RIT2: variants seen among roughly 807,000 people sequenced by gnomAD.
RIT2 encodes the protein GTP-binding protein Rit2.
In RIT2, 24 loss-of-function variants were observed where a neutral mutation model predicts 23.7. The ratio of observed to expected loss-of-function variants is 1.01; its 90% CI spans 0.73 to 1.43. The LOEUF (loss-of-function observed/expected upper bound fraction) is 1.43, where lower values mean the gene tolerates loss of function less well. RIT2 is among the 40% of genes most tolerant of loss of function. The pLI is 0.00. For missense variants in RIT2, 236 were observed against 266.9 expected, an observed-to-expected ratio of 0.88 and a Z score of 0.81; for synonymous variants, 107 against 91.1, an observed-to-expected ratio of 1.17 and a Z score of -0.99.
chr18:42,756,313 A>C lies in RIT2; in HGVS notation c.427-12593T>G, dbSNP rs1359316943. Among the ~76,000 whole-genome samples, 8 of 152,200 alleles carry C rather than the reference A, an allele frequency of 5.3e-5. No homozygotes were observed. The East Asian group carries it at 1.4e-3, about 26-fold the overall frequency. On this transcript the variant is annotated intron_variant, in intron 4 of 4. Transcript: ENST00000326695. ...ATGGAGAGAAAAGTAGGACATAATAAATTAAATGGTGTAGCCAGTCGTTCT... is the reference window on the plus strand; with the variant it reads ...ATGGAGAGAAAAGTAGGACATAATACATTAAATGGTGTAGCCAGTCGTTCT...
At chr18:42,919,082 A>C (rs985351737) in intron 4 of RIT2, among the ~76,000 whole-genome samples, 1 of 152,134 alleles carries the variant, frequency 6.6e-6, no homozygotes, top group Non-Finnish European at 1.5e-5. Flanking sequence ...TCTTGAGGAC[A>C]GGGACTGGAT....
At chr18:42,940,184 TCTC>T (rs1909560716) in intron 3 of RIT2, among the ~76,000 whole-genome samples, 2 of 143,828 alleles carry the variant, frequency 1.4e-5, no homozygotes, top group Admixed American at 1.4e-4. Flanking sequence ...GCAGGTCACA[TCTC>T]CTACTTCTCT....
chr18:42,885,284 G>T (rs1306978758), intron 4 of RIT2, among the ~76,000 whole-genome samples: 2 of 152,114 alleles, frequency 1.3e-5, no homozygotes, highest in African/African-American at 2.4e-5. Flanking sequence ...ATATTCTCTA[G>T]TTAAAGAATT....
intron 2 of RIT2, among the ~76,000 whole-genome samples, chr18:42,995,466 A>C (rs1406762794): frequency 2.6e-5 from 4 of 152,214 alleles, no homozygotes; most frequent in African/African-American, 9.7e-5. Context: ...CCCTTCTGTC[A>C]GACATAATTC....
At chr18:42,803,440 T>A (rs891977244) in intron 4 of RIT2, among the ~76,000 whole-genome samples, 1 of 152,166 alleles carries the variant, frequency 6.6e-6, no homozygotes, top group Non-Finnish European at 1.5e-5. Flanking sequence ...TATGTTGGTG[T>A]GAGTGTTTGA....
chr18:42,772,307 A>C (rs1913569855), intron 4 of RIT2, among the ~76,000 whole-genome samples: 1 of 152,116 alleles, frequency 6.6e-6, no homozygotes, highest in Admixed American at 6.6e-5. Flanking sequence ...CACTGTTCTC[A>C]ATGGCAATAT....
intron 2 of RIT2, among the ~76,000 whole-genome samples, chr18:43,017,420 G>A (rs571965037): frequency 1.3e-5 from 2 of 151,890 alleles, no homozygotes; most frequent in South Asian, 4.1e-4. Flanking sequence ...ATAAATATAA[G>A]TAATTTGATT....
rs536607220 is a variant in RIT2, at chr18:43,026,392, A to G, written c.160+7419T>C. On this transcript the variant is annotated intron_variant, in intron 2 of 4. Transcript: ENST00000326695. ...AACATGGTGAAACCCCATCTCCACT[A>G]AAAATACAAAAATTAGCTGGGTGTG... 1.9e-4 allele frequency among the ~76,000 whole-genome samples: 28 copies of G among 150,844 alleles called. No individual in the cohort carries two copies. In the East Asian group the frequency reaches 5.6e-3, roughly 30 times the overall value.
At chr18:42,802,442 G>A (rs991694813) in intron 4 of RIT2, among the ~76,000 whole-genome samples, 3 of 152,128 alleles carry the variant, frequency 2.0e-5, no homozygotes, top group African/African-American at 4.8e-5. Flanking sequence ...CTGTAGTCTC[G>A]TGTGCAGTTT....
chr18:43,090,793 G>A (rs1376763770), intron 1 of RIT2, among the ~76,000 whole-genome samples: 3 of 152,146 alleles, frequency 2.0e-5, no homozygotes, highest in South Asian at 4.2e-4. Flanking sequence ...AATACTGCAT[G>A]TTTTCGCTTA....
chr18:42,821,437 G>A (rs973039007), intron 4 of RIT2, among the ~76,000 whole-genome samples: 2 of 152,078 alleles, frequency 1.3e-5, no homozygotes, highest in Non-Finnish European at 2.9e-5. Flanking sequence ...TGATAAGGCC[G>A]TAACTGTTAC....
chr18:43,066,875 A>G (rs1912782689), intron 1 of RIT2, among the ~76,000 whole-genome samples: 1 of 151,370 alleles, frequency 6.6e-6, no homozygotes, highest in African/African-American at 2.4e-5. Context: ...GAACAGTTGG[A>G]AGCAGGGTTG....
At chr18:42,828,284 C>T (rs1167837234) in intron 4 of RIT2, among the ~76,000 whole-genome samples, 1 of 152,132 alleles carries the variant, frequency 6.6e-6, no homozygotes, top group Non-Finnish European at 1.5e-5. Flanking sequence ...TTATCAAACA[C>T]TTACATTGAT....
At chr18:42,921,313 A>C (rs1909050744) in intron 4 of RIT2, among the ~76,000 whole-genome samples, 1 of 152,130 alleles carries the variant, frequency 6.6e-6, no homozygotes, top group Non-Finnish European at 1.5e-5. Flanking sequence ...TTGTGTTTTC[A>C]TGGTTTTCGC....
intron 4 of RIT2, among the ~76,000 whole-genome samples, chr18:42,884,980 A>C (rs1311431456): frequency 1.3e-5 from 2 of 152,178 alleles, no homozygotes; most frequent in Non-Finnish European, 2.9e-5. Context: ...TTCCCACTGA[A>C]ACTGTTCTCA....
At chr18:43,026,676 T>C (rs1911739871) in intron 2 of RIT2, among the ~76,000 whole-genome samples, 1 of 150,636 alleles carries the variant, frequency 6.6e-6, no homozygotes, top group Non-Finnish European at 1.5e-5. Flanking sequence ...AAGTTTTTCT[T>C]TCTTTTTTTT....
At chr18:42,787,883 A>T (rs1295090094) in intron 4 of RIT2, among the ~76,000 whole-genome samples, 2 of 151,910 alleles carry the variant, frequency 1.3e-5, no homozygotes, top group Admixed American at 1.3e-4. Flanking sequence ...AATATTATTT[A>T]CTTATTAAAA....
chr18:42,953,135 T>C (rs80227052), intron 3 of RIT2, among the ~76,000 whole-genome samples: 1,685 of 152,196 alleles, frequency 0.011, 31 homozygotes, highest in African/African-American at 0.038. Flanking sequence ...CTCTCATCCA[T>C]TGTCTTCTCT....
intron 2 of RIT2, among the ~76,000 whole-genome samples, chr18:43,010,451 C>T (rs1451974798): frequency 6.6e-6 from 1 of 151,800 alleles, no homozygotes; most frequent in Non-Finnish European, 1.5e-5. Context: ...GTTCTTCACA[C>T]CATCTCAATT....
Sources: allele counts gnomAD v4.1 joint callset (sites outside exome capture counted in the v4.1 genomes callset), GRCh38; gene constraint gnomAD v4.1.1; transcripts MANE v1.5; gene names NCBI Gene and HGNC (gene_info 2026-07-23, HGNC 2026-07-21).